XDH: variants seen among roughly 807,000 people sequenced by gnomAD.
XDH encodes the protein xanthine dehydrogenase/oxidase.
In XDH, 138 loss-of-function variants were observed where a neutral mutation model predicts 156.1. The observed-to-expected ratio is 0.88, with a 90% CI of 0.77 to 1.02. The LOEUF is 1.02. XDH is among the 50% of genes least tolerant of loss of function. The probability of loss-of-function intolerance (pLI) is 0.00; values close to 1 mark genes in which losing one functional copy is unlikely to be tolerated. For missense variants in XDH, 1,849 were observed against 1,684.9 expected (o/e 1.10, Z -1.71); for synonymous variants, 669 against 625.7 (o/e 1.07, Z -1.03).
intron 6 of XDH, among the ~76,000 whole-genome samples, chr2:31,396,330 T>C (rs966722593): frequency 5.9e-5 from 9 of 152,164 alleles, no homozygotes; most frequent in Non-Finnish European, 1.3e-4. Context: ...CTGATTACAT[T>C]ATATCACTTT....
intron 17 of XDH, among the ~76,000 whole-genome samples, chr2:31,371,372 CAA>C (rs1686067344): frequency 1.3e-5 from 2 of 152,148 alleles, no homozygotes; most frequent in Admixed American, 1.3e-4. Flanking sequence ...GTAGTTTTTC[CAA>C]AGTCACTAAG....
In XDH at chr2:31,386,543, T is replaced by G; in HGVS notation, c.664A>C (p.Thr222Pro). 1.2e-6 allele frequency: 2 copies of G among 1,614,036 alleles called. No individual in the cohort carries two copies. Among genetic ancestry groups the G allele is most frequent in the Non-Finnish European group, 1.7e-6 (2 of 1,179,990 alleles). Residue 222 changes from threonine (T) to proline (P), a missense_variant, in exon 9 of 36, where the codon ACT becomes CCT. Transcript: ENST00000379416. Reference protein sequence around the residue: ...FPPELLRLKDTPRKQLRFEGE... With the variant: ...FPPELLRLKDPPRKQLRFEGE... ...TCAAATCGCAGCTGCTTCCGAGGAGTGTCTTTCAGCCTCTGGGAAATGCAG... is the reference window on the plus strand; with the variant it reads ...TCAAATCGCAGCTGCTTCCGAGGAGGGTCTTTCAGCCTCTGGGAAATGCAG...
At chr2:31,337,520 T>G (rs779399060) in intron 35 of XDH, 121 bp downstream of exon 35, 1 of 1,458,050 alleles carries the variant, frequency 6.9e-7, no homozygotes, top group South Asian at 1.2e-5. Flanking sequence ...TGGCCATTGA[T>G]GCAAGGCTGC....
At chr2:31,367,868 C>G (rs1685962487) in intron 20 of XDH, 93 bp downstream of exon 20, 3 of 1,224,828 alleles carry the variant, frequency 2.4e-6, no homozygotes, top group Non-Finnish European at 3.6e-6. Flanking sequence ...GTCCAGAAAT[C>G]ACTTCCCTGC....
intron 24 of XDH, among the ~76,000 whole-genome samples, chr2:31,351,768 A>G (rs900030190): frequency 2.6e-5 from 4 of 152,242 alleles, no homozygotes; most frequent in Non-Finnish European, 5.9e-5. Flanking sequence ...TCAGCTGTAT[A>G]TAGAATCCTA....
intron 21 of XDH, 130 bp downstream of exon 21, chr2:31,366,740 A>G (rs1685923869): frequency 2.1e-6 from 3 of 1,422,944 alleles, no homozygotes; most frequent in Non-Finnish European, 3.0e-6. Context: ...TGGCTCCAGG[A>G]CTATGACACT....
chr2:31,338,555 T>C (rs935912010), intron 34 of XDH, among the ~76,000 whole-genome samples: 5 of 152,120 alleles, frequency 3.3e-5, no homozygotes, highest in Non-Finnish European at 7.4e-5. Flanking sequence ...AACCACGAGA[T>C]GAGCAAATGG....
intron 24 of XDH, among the ~76,000 whole-genome samples, chr2:31,353,022 C>T (rs1490499856): frequency 6.7e-6 from 1 of 150,316 alleles, no homozygotes; most frequent in Admixed American, 6.6e-5. Context: ...CACCCAGCCA[C>T]CTCTTTTTTT....
intron 1 of XDH, 27 bp downstream of exon 1, chr2:31,414,598 C>A (rs1278668514): frequency 1.2e-6 from 2 of 1,613,964 alleles, no homozygotes; most frequent in East Asian, 2.2e-5. Context: ...AGAAGGGACA[C>A]AAAACCAAAG....
At chr2:31,388,419 G>A (rs1053282338) in intron 6 of XDH, 124 bp from the exon 7 acceptor site, 2 of 1,078,286 alleles carry the variant, frequency 1.9e-6, no homozygotes, top group East Asian at 2.4e-5. Context: ...TCAACAGCAG[G>A]GGCATCCTGC....
intron 22 of XDH, among the ~76,000 whole-genome samples, chr2:31,365,752 C>A (rs546645905): frequency 6.6e-5 from 10 of 152,310 alleles, no homozygotes; most frequent in African/African-American, 2.2e-4. Flanking sequence ...AGAGAGCTCA[C>A]AGCCAGTAGG....
chr2:31,356,348 G>A (rs1185572353), intron 24 of XDH, among the ~76,000 whole-genome samples: 1 of 152,166 alleles, frequency 6.6e-6, no homozygotes, highest in African/African-American at 2.4e-5. Context: ...TTCTAATCAT[G>A]GAACCTGTAA....
At chr2:31,380,060 G>T in intron 12 of XDH, 84 bp from the exon 13 acceptor site, 1 of 1,327,140 alleles carries the variant, frequency 7.5e-7, no homozygotes, top group Non-Finnish European at 1.1e-6. Context: ...CCATCAGTGG[G>T]ATTCTTCATG....
At chr2:31,343,156 C>G (rs207448) in intron 31 of XDH, among the ~76,000 whole-genome samples, 146,568 of 151,788 alleles carry the variant, frequency 0.97, 70,780 homozygotes, top group East Asian at 1. Flanking sequence ...TGCTCCTCTG[C>G]TTTGACCTTT....
Position 31,335,826 on chromosome 2 carries a change from T to C in XDH, c.*132A>G. ...AATCTTCCATTGCATTCACTTGTCT[T>C]CCAAATCCCATCTTGACAAATCACA... On this transcript the variant is annotated 3_prime_UTR_variant, in exon 36 of 36. Transcript: ENST00000379416. The C allele has an allele frequency of 9.2e-7, 1 of 1,088,974 alleles. No homozygotes were observed. The highest frequency in any genetic ancestry group is 1.3e-5 in the South Asian group (1 of 77,004). The allele number at this position is 1,088,974 out of a possible 1,614,324, so 67.5% of individuals were successfully genotyped here.
chr2:31,348,243 A>G, intron 28 of XDH, 25 bp downstream of exon 28: 12 of 1,611,154 alleles, frequency 7.4e-6, no homozygotes, highest in Non-Finnish European at 1.0e-5. Context: ...CAACGGACAC[A>G]ACACTGCCAG....
At chr2:31,372,691 T>C (rs1046611452) in intron 16 of XDH, among the ~76,000 whole-genome samples, 8 of 152,180 alleles carry the variant, frequency 5.3e-5, no homozygotes, top group African/African-American at 1.9e-4. Context: ...TATGCAACCA[T>C]TAAAACATAC....
At chr2:31,367,078 A>C in intron 20 of XDH, 84 bp from the exon 21 acceptor site, 2 of 1,606,554 alleles carry the variant, frequency 1.2e-6, no homozygotes, top group Non-Finnish European at 1.7e-6. Context: ...TACTCTGCCA[A>C]GTGGTCTGGG....
At chr2:31,348,852 G>T (rs779382892) in intron 27 of XDH, 47 bp downstream of exon 27, 2 of 1,536,662 alleles carry the variant, frequency 1.3e-6, no homozygotes, top group Admixed American at 1.7e-5. Flanking sequence ...ACAGGGAAAT[G>T]GGGTCCCAGT....
Sources: allele counts gnomAD v4.1 joint callset (sites outside exome capture counted in the v4.1 genomes callset), GRCh38; gene constraint gnomAD v4.1.1; transcripts MANE v1.5; gene names NCBI Gene and HGNC (gene_info 2026-07-23, HGNC 2026-07-21).